Variants in PXDNL observed in about 807,000 individuals in gnomAD.
PXDNL encodes probable oxidoreductase PXDNL.
PXDNL carries 145 observed loss-of-function variants against 150.8 expected under a neutral mutation model. That is an observed-to-expected ratio of 0.96 (90% CI 0.84 to 1.10). The LOEUF is 1.10. PXDNL is among the 50% of genes least tolerant of loss of function. PXDNL has a pLI of 0.00. For missense variants in PXDNL, 2,087 were observed against 1,873.9 expected (o/e 1.11, Z -2.10); for synonymous variants, 757 against 725.7 (o/e 1.04, Z -0.69).
At chr8:51,453,381 G>T in intron 10 of PXDNL, 138 bp downstream of exon 10, 1 of 976,032 alleles carries the variant, frequency 1.0e-6, no homozygotes, top group Non-Finnish European at 1.5e-6. Flanking sequence ...GATTAGCTTT[G>T]AAAATCTTAT....
rs373473204 is a variant in PXDNL at position 51,652,888 on chromosome 8, AT to A, written c.236+1800del. Among the ~76,000 whole-genome samples, 737 of 152,316 alleles carry A rather than the reference AT, an allele frequency of 4.8e-3. 5 individuals are homozygous for A. The highest frequency in any genetic ancestry group is 0.017 in the African/African-American group (690 of 41,574). On this transcript the variant is annotated intron_variant, in intron 2 of 22. Coordinates refer to ENST00000356297, the MANE Select transcript of PXDNL (RefSeq NM_144651.5). ...TGAAGAAGTGGATTATTCATCAATA[AT>A]TAGTGTTCATCAATAATTGTGTACT...
At chr8:51,564,578 T>C (rs13251037) in intron 3 of PXDNL, among the ~76,000 whole-genome samples, 11,360 of 151,370 alleles carry the variant, frequency 0.075, 492 homozygotes, top group South Asian at 0.1. Flanking sequence ...TGTCCATATG[T>C]ACTTAACATT....
chr8:51,494,408 G>A (rs1810987928), intron 5 of PXDNL, among the ~76,000 whole-genome samples: 2 of 151,548 alleles, frequency 1.3e-5, no homozygotes, highest in Admixed American at 1.3e-4. Flanking sequence ...CATAATGACA[G>A]GATCAGATTC....
chr8:51,599,182 C>G (rs756906944), intron 2 of PXDNL, among the ~76,000 whole-genome samples: 1 of 151,956 alleles, frequency 6.6e-6, no homozygotes, highest in Non-Finnish European at 1.5e-5. Flanking sequence ...TTTGAACAAC[C>G]AACTTTTGGT....
intron 17 of PXDNL, among the ~76,000 whole-genome samples, chr8:51,403,464 T>C (rs752301147): frequency 1.8e-4 from 27 of 152,126 alleles, no homozygotes; most frequent in South Asian, 6.2e-4. Context: ...CAATTCCACT[T>C]AGAAAAAAGT....
intron 3 of PXDNL, among the ~76,000 whole-genome samples, chr8:51,592,305 T>G (rs1185244695): frequency 6.6e-6 from 1 of 152,208 alleles, no homozygotes; most frequent in African/African-American, 2.4e-5. Flanking sequence ...CCCTTTTCTG[T>G]GTGTATGGAA....
chr8:51,778,785 T>C (rs1487258649), intron 1 of PXDNL, among the ~76,000 whole-genome samples: 1 of 152,252 alleles, frequency 6.6e-6, no homozygotes, highest in African/African-American at 2.4e-5. Context: ...AAATAACTGC[T>C]ATGTCTTCTT....
At chr8:51,654,642 C>T in intron 2 of PXDNL, 47 bp downstream of exon 2, 1 of 1,427,738 alleles carries the variant, frequency 7.0e-7, no homozygotes, top group Non-Finnish European at 9.9e-7. Flanking sequence ...TGCCATCCAA[C>T]CAGCATATAA....
rs1027428035 is a variant in PXDNL, at chr8:51,506,562, A to C, written c.381-6792T>G. The stretch of plus-strand genomic sequence containing the variant: ...TCTCAAAAAAAAAAAAAAAAAAAAA[A>C]AAAAAACTAGTTACAGAAAAAGTCA... On this transcript the variant is annotated intron_variant, in intron 4 of 22. Transcript: ENST00000356297. Among the ~76,000 whole-genome samples, 18 of 151,422 alleles carry C rather than the reference A, an allele frequency of 1.2e-4. No homozygotes were observed. The South Asian group carries it at 3.7e-3, about 31-fold the overall frequency.
chr8:51,792,284 G>A (rs2129256765), intron 1 of PXDNL, among the ~76,000 whole-genome samples: 1 of 152,240 alleles, frequency 6.6e-6, no homozygotes, highest in East Asian at 1.9e-4. Flanking sequence ...CGGACAGCAA[G>A]GAAAAGAAGA....
chr8:51,382,112 C>T (rs989620746), intron 17 of PXDNL, among the ~76,000 whole-genome samples: 13 of 152,142 alleles, frequency 8.5e-5, no homozygotes, highest in African/African-American at 2.2e-4. Flanking sequence ...GCTGGGATTA[C>T]GTGTGTGAGC....
At chr8:51,453,837 AT>A in intron 9 of PXDNL, 52 bp from the exon 10 acceptor site, 1 of 1,581,818 alleles carries the variant, frequency 6.3e-7, no homozygotes, top group Non-Finnish European at 8.6e-7. Flanking sequence ...AGTTAGGAAG[AT>A]TTATTTATTC....
chr8:51,415,918 T>G (rs530159506), intron 14 of PXDNL, among the ~76,000 whole-genome samples: 4 of 152,254 alleles, frequency 2.6e-5, no homozygotes, highest in Admixed American at 2.0e-4. Context: ...AACAATACTA[T>G]AAACATAGCT....
At chr8:51,406,016 C>A (rs757511934) in intron 17 of PXDNL, among the ~76,000 whole-genome samples, 7 of 152,218 alleles carry the variant, frequency 4.6e-5, no homozygotes, top group Non-Finnish European at 8.8e-5. Flanking sequence ...CAGCTGCTGT[C>A]CGTCTGAAAG....
rs187875265 is a variant in PXDNL, at chr8:51,769,613, T to C, written c.164+39568A>G. Among the ~76,000 whole-genome samples, 5 of 152,322 alleles carry C rather than the reference T, an allele frequency of 3.3e-5. No homozygotes were observed. The East Asian group carries it at 7.7e-4, about 24-fold the overall frequency. On this transcript the variant is annotated intron_variant, in intron 1 of 22. Transcript: ENST00000356297. ...ACATGTTTTGACATGTAATCATAGA[T>C]ATTTCACACTAAAAGAAACTTAGAA...
At chr8:51,329,440 A>G (rs1251258867) in intron 21 of PXDNL, among the ~76,000 whole-genome samples, 2 of 152,192 alleles carry the variant, frequency 1.3e-5, no homozygotes, top group African/African-American at 4.8e-5. Context: ...AGGCTTATCA[A>G]CTACAGTTCC....
intron 2 of PXDNL, among the ~76,000 whole-genome samples, chr8:51,627,800 C>T (rs1814395253): frequency 6.6e-6 from 1 of 152,162 alleles, no homozygotes; most frequent in Non-Finnish European, 1.5e-5. Context: ...AGTCCAGGGT[C>T]CTGGGCCCTG....
chr8:51,478,106 G>A (rs554919617), intron 6 of PXDNL, among the ~76,000 whole-genome samples: 17 of 151,970 alleles, frequency 1.1e-4, no homozygotes, highest in African/African-American at 3.9e-4. Context: ...ATGAGAAAAC[G>A]TTTTCAAAAT....
At chr8:51,432,151 G>T (rs951887368) in intron 12 of PXDNL, among the ~76,000 whole-genome samples, 1 of 152,074 alleles carries the variant, frequency 6.6e-6, no homozygotes, top group African/African-American at 2.4e-5. Context: ...ATTGATTTTG[G>T]TGTGTAGGGT....
Sources: gnomAD v4.1 joint callset for allele counts (sites outside exome capture counted in the v4.1 genomes callset) on GRCh38, gnomAD v4.1.1 for gene constraint, MANE v1.5 for transcripts, NCBI Gene and HGNC (gene_info 2026-07-23, HGNC 2026-07-21) for gene names.